The following PCDHGB2 variants were observed in gnomAD, a reference collection of about 807,000 sequenced individuals.
PCDHGB2 encodes protocadherin gamma subfamily B, 2, also known as protocadherin gamma-B2.
Under a neutral mutation model 59.3 loss-of-function variants are expected in PCDHGB2, and 55 were observed. That is an observed-to-expected ratio of 0.93 (90% CI 0.75 to 1.16). The LOEUF (loss-of-function observed/expected upper bound fraction) is 1.16. Ranked by LOEUF, PCDHGB2 falls within the 50% of genes most tolerant of loss-of-function variation. The pLI, the probability that PCDHGB2 is intolerant of heterozygous loss-of-function variation, is 0.00. For synonymous variants in PCDHGB2, 516 were observed against 512.0 expected, an observed-to-expected ratio of 1.01 and a Z score of -0.11; for missense variants, 1,228 against 1,198.5, an observed-to-expected ratio of 1.02 and a Z score of -0.36.
chr5:141,384,928 A>G (rs1780667479), intron 1 of PCDHGB2: 3 of 1,614,014 alleles, frequency 1.9e-6, no homozygotes, highest in Non-Finnish European at 2.5e-6. Context: ...CGACCTGGGC[A>G]GCCTTGAGCC....
At chr5:141,386,140 G>A (rs1246033956) in intron 1 of PCDHGB2, 1 of 152,170 alleles carries the variant, frequency 6.6e-6, no homozygotes, top group African/African-American at 2.4e-5. Context: ...TACTGGCTTT[G>A]TTTCAACTGT....
chr5:141,377,556 A>T (rs1171611330), intron 1 of PCDHGB2: 1 of 151,728 alleles, frequency 6.6e-6, no homozygotes, highest in African/African-American at 2.4e-5. Context: ...TAATTGTGTC[A>T]CTGCACCCTA....
At position 141,360,351 on chromosome 5, in the gene PCDHGB2, G is replaced by C. The variant is rs188525608; in HGVS notation, c.216G>C (p.Lys72Asn). ...PARKLRVSAE[K>N]EYFTVNPESG... The stretch of plus-strand genomic sequence containing the variant: ...GGAAGCTGCGGGTTAGCGCGGAGAA[G>C]GAATATTTCACAGTAAACCCAGAAA... Residue 72 changes from lysine (K) to asparagine (N), a missense_variant, in exon 1 of 4, where the codon AAG becomes AAC. Coordinates refer to ENST00000522605, the MANE Select transcript of PCDHGB2 (RefSeq NM_018923.3). The C allele has an allele frequency of 6.2e-7, 1 of 1,613,758 alleles. No homozygotes were observed.
At chr5:141,451,365 G>A (rs557753113) in intron 1 of PCDHGB2, among the ~76,000 whole-genome samples, 2 of 152,234 alleles carry the variant, frequency 1.3e-5, no homozygotes, top group South Asian at 4.1e-4. Context: ...GGATGGATCC[G>A]CTTCTAATCT....
At chr5:141,445,178 A>G (rs768321514) in intron 1 of PCDHGB2, among the ~76,000 whole-genome samples, 2 of 152,218 alleles carry the variant, frequency 1.3e-5, no homozygotes, top group Admixed American at 1.3e-4. Context: ...ATGAAAAACT[A>G]TGTTTTTATG....
chr5:141,383,310 A>C (rs1779012544), intron 1 of PCDHGB2: 1 of 1,614,004 alleles, frequency 6.2e-7, no homozygotes, highest in Non-Finnish European at 8.5e-7. Context: ...TGACGGAAGA[A>C]ATAAATGTAA....
Position 141,490,440 on chromosome 5 carries a change from T to G in PCDHGB2, c.2422-4367T>G, listed in dbSNP as rs560525159. The G allele has an allele frequency of 6.2e-7, 1 of 1,614,206 alleles. No individual in the cohort carries two copies. The highest frequency in any genetic ancestry group is 1.7e-5 in the Admixed American group (1 of 60,026). On this transcript the variant is annotated intron_variant, in intron 1 of 3. Transcript: ENST00000522605. This position sits in a 1 kb window ranked among gnomAD's most constrained non-coding sequence, Gnocchi z 5.4. ...ACCTGCCATTTCAGATTAAGCCTTCTGAGAACCACTACTCGCTGCTAACCA... is the reference window on the plus strand; with the variant it reads ...ACCTGCCATTTCAGATTAAGCCTTCGGAGAACCACTACTCGCTGCTAACCA...
rs776154088 is a variant in PCDHGB2 at position 141,361,159 on chromosome 5, G to A, written c.1024G>A (p.Asp342Asn). 55 of 1,613,798 alleles carry A rather than the reference G, an allele frequency of 3.4e-5. No homozygotes were observed. The highest frequency in any genetic ancestry group is 3.1e-5 in the Non-Finnish European group (36 of 1,179,892). ...CCAAGTTGAAATTCTTGATGACAAC[G>A]ATTGTGCACCTGAAGTTATTGTGAC... ...SIQVEILDDN[D>N]CAPEVIVTSV... Residue 342 changes from aspartate to asparagine, a missense_variant, in exon 1 of 4, where the codon GAT becomes AAT. By Grantham distance (23) the Asp-to-Asn change is conservative. This residue lies in a region of PCDHGB2 where 781 missense variants were observed against 721.6 expected (regional missense o/e 1.08). Transcript: ENST00000522605.
At chr5:141,376,032 GCCAGC>G in intron 1 of PCDHGB2, 1 of 1,613,116 alleles carries the variant, frequency 6.2e-7, no homozygotes, top group South Asian at 1.1e-5. Flanking sequence ...CAGGACCACG[GCCAGC>G]CCCCTCTCTC....
intron 1 of PCDHGB2, chr5:141,416,685 A>T (rs1292141199): frequency 1.3e-5 from 2 of 152,384 alleles, no homozygotes; most frequent in East Asian, 3.9e-4. Flanking sequence ...AAGGGAAATT[A>T]TATAAACAAA....
intron 1 of PCDHGB2, chr5:141,375,310 T>C: frequency 6.2e-7 from 1 of 1,613,814 alleles, no homozygotes; most frequent in Non-Finnish European, 8.5e-7. Context: ...CAAATGCAGC[T>C]CTAGACCGGG....
chr5:141,499,635 A>C (rs578081078), intron 2 of PCDHGB2, among the ~76,000 whole-genome samples: 16 of 152,136 alleles, frequency 1.1e-4, no homozygotes, highest in African/African-American at 3.6e-4. Context: ...CTTTTGAAGC[A>C]AATCTCAGAC....
intron 1 of PCDHGB2, chr5:141,385,194 G>A (rs1274561417): frequency 1.2e-6 from 2 of 1,614,124 alleles, no homozygotes; most frequent in Non-Finnish European, 1.7e-6. Flanking sequence ...ACTCTCGGAA[G>A]AGTCACCTGA....
At chr5:141,384,417 C>CATGGAG (rs1451567690) in intron 1 of PCDHGB2, 1 of 1,613,844 alleles carries the variant, frequency 6.2e-7, no homozygotes, top group East Asian at 2.2e-5. Flanking sequence ...CCTATGTCTC[C>CATGGAG]ATAAACTCTG....
Position 141,431,854 on chromosome 5 carries a change from A to G in PCDHGB2, c.2422-62953A>G. On this transcript the variant is annotated intron_variant, in intron 1 of 3. Coordinates refer to ENST00000522605, the MANE Select transcript of PCDHGB2 (RefSeq NM_018923.3). The surrounding 1 kb of genome is among the most constrained non-coding windows in gnomAD (Gnocchi z 4.8). Reference sequence around the variant, plus strand: ...CCGAAAACTCTCCCAGAGGGACATTAATTGCCCTTTTAAATGTAAATGACC... The same window carrying G: ...CCGAAAACTCTCCCAGAGGGACATTGATTGCCCTTTTAAATGTAAATGACC... The G allele has an allele frequency of 6.2e-7, 1 of 1,614,230 alleles. No individual in the cohort carries two copies. The highest frequency in any genetic ancestry group is 1.3e-5 in the African/African-American group (1 of 75,070).
intron 1 of PCDHGB2, chr5:141,413,907 G>C (rs745956130): frequency 6.2e-7 from 1 of 1,613,270 alleles, no homozygotes; most frequent in Non-Finnish European, 8.5e-7. Context: ...ACAACGCGCC[G>C]GTCTTCACCT....
At chr5:141,460,214 G>A (rs925628892) in intron 1 of PCDHGB2, among the ~76,000 whole-genome samples, 2 of 151,896 alleles carry the variant, frequency 1.3e-5, no homozygotes, top group Admixed American at 6.6e-5. Flanking sequence ...CATTTTCTTA[G>A]TTGTGTCTTT....
intron 1 of PCDHGB2, chr5:141,399,985 G>A (rs775731140): frequency 6.2e-7 from 1 of 1,612,396 alleles, no homozygotes; most frequent in South Asian, 1.1e-5. Flanking sequence ...GCTGCGCACA[G>A]GAGAGGTGCG....
chr5:141,436,859 A>G (rs550974791), intron 1 of PCDHGB2, among the ~76,000 whole-genome samples: 7 of 152,250 alleles, frequency 4.6e-5, no homozygotes, highest in Non-Finnish European at 1.0e-4. Flanking sequence ...TTGAGAAGCC[A>G]CAGTTTTAGG....
Sources: allele counts gnomAD v4.1 joint callset (sites outside exome capture counted in the v4.1 genomes callset), GRCh38; gene constraint gnomAD v4.1.1; regional missense constraint gnomAD v4.1.1; non-coding constraint Gnocchi (gnomAD v3.1); transcripts MANE v1.5; gene names NCBI Gene and HGNC (gene_info 2026-07-23, HGNC 2026-07-21).